Variants in CR1 observed in about 807,000 individuals in gnomAD.
CR1 encodes the protein complement receptor type 1.
A neutral mutation model predicts 187.3 loss-of-function variants in CR1; 116 were observed. The observed-to-expected ratio is 0.62, with a 90% CI of 0.53 to 0.72. The LOEUF (loss-of-function observed/expected upper bound fraction) is 0.72, where lower values mean the gene tolerates loss of function less well. Among genes scored for constraint, CR1 ranks in the 30% least tolerant of loss-of-function variants. The pLI is 0.00. For synonymous variants in CR1, 576 were observed against 747.1 expected, an observed-to-expected ratio of 0.77 and a Z score of 3.73; for missense variants, 1,731 against 2,110.7, an observed-to-expected ratio of 0.82 and a Z score of 3.52.
At chr1:207,524,082 G>C in intron 5 of CR1, 73 bp downstream of exon 5, 2 of 1,611,472 alleles carry the variant, frequency 1.2e-6, no homozygotes, top group Middle Eastern at 2.3e-4. Flanking sequence ...ATTAGTATTT[G>C]TTCAGGGGGA....
At chr1:207,595,701 CAA>C (rs1342269182) in intron 35 of CR1, among the ~76,000 whole-genome samples, 4 of 150,942 alleles carry the variant, frequency 2.7e-5, no homozygotes, top group African/African-American at 9.7e-5. Flanking sequence ...AAAACTCCCA[CAA>C]AGCTGTGGGA....
At chr1:207,517,470 A>C (rs1274114312) in intron 4 of CR1, among the ~76,000 whole-genome samples, 2 of 152,054 alleles carry the variant, frequency 1.3e-5, no homozygotes, top group Admixed American at 6.5e-5. Flanking sequence ...TTGGGTTATA[A>C]TTTGCTTTTA....
In CR1 at chr1:207,588,720, A is replaced by G. The variant is rs1661184158; in HGVS notation, c.5756A>G (p.His1919Arg). ...CCAGAACCCTTCAATGGAATGGTGC[A>G]TATAAACACAGATACACAGTTTGGA... Reference protein sequence around the residue: ...PPPEPFNGMVHINTDTQFGST... With the variant: ...PPPEPFNGMVRINTDTQFGST... The change falls in exon 35 of 47, where the codon CAT becomes CGT. Residue 1919 changes from histidine (H) to arginine (R), a missense_variant. This residue lies in a region of CR1 where 1,312 missense variants were observed against 1,379.6 expected (regional missense o/e 0.95). Transcript: ENST00000367049. 4 of 1,613,188 alleles carry G rather than the reference A, an allele frequency of 2.5e-6. No homozygotes were observed. Among genetic ancestry groups the G allele is most frequent in the Middle Eastern group, 1.7e-4 (1 of 6,060 alleles).
At chr1:207,604,567 G>A (rs375149628) in intron 35 of CR1, among the ~76,000 whole-genome samples, 29 of 152,234 alleles carry the variant, frequency 1.9e-4, no homozygotes, top group Admixed American at 9.2e-4. Flanking sequence ...TCAGTTTTCC[G>A]TGTCTTGAAA....
chr1:207,497,833 A>C (rs778051227), intron 1 of CR1, among the ~76,000 whole-genome samples: 4 of 152,258 alleles, frequency 2.6e-5, no homozygotes, highest in South Asian at 2.1e-4. Flanking sequence ...AATAACTTCC[A>C]AATGTGAAAC....
intron 46 of CR1, among the ~76,000 whole-genome samples, chr1:207,634,782 A>G (rs1020069951): frequency 2.6e-5 from 4 of 152,148 alleles, no homozygotes; most frequent in African/African-American, 9.6e-5. Context: ...AGAGGAGGAC[A>G]TGCTTTCTGA....
At chr1:207,566,862 G>A (rs1429888645) in intron 24 of CR1, among the ~76,000 whole-genome samples, 2 of 150,162 alleles carry the variant, frequency 1.3e-5, no homozygotes. Context: ...TTACTAAAAT[G>A]TTTATGTTGT....
At chr1:207,505,537 G>A (rs1049031625) in intron 1 of CR1, among the ~76,000 whole-genome samples, 3 of 152,052 alleles carry the variant, frequency 2.0e-5, no homozygotes, top group African/African-American at 7.2e-5. Flanking sequence ...GAAAGAGAAG[G>A]TAGAATGGGA....
intron 35 of CR1, among the ~76,000 whole-genome samples, chr1:207,593,158 T>C (rs911853762): frequency 6.1e-5 from 9 of 148,516 alleles, no homozygotes; most frequent in Admixed American, 6.7e-5. Context: ...AAGACAATCC[T>C]AAGCAAAAAG....
intron 27 of CR1, among the ~76,000 whole-genome samples, chr1:207,572,989 C>T (rs1285792755): frequency 6.6e-6 from 1 of 152,186 alleles, no homozygotes; most frequent in East Asian, 1.9e-4. Context: ...GGCCTACTTT[C>T]ATGACCTCAC....
intron 44 of CR1, 137 bp downstream of exon 44, chr1:207,622,133 T>TA: frequency 1.8e-6 from 1 of 552,986 alleles, no homozygotes; most frequent in Non-Finnish European, 3.0e-6. Flanking sequence ...AGTTGTAAGT[T>TA]CAACTAGAAA....
Position 207,513,762 on chromosome 1 carries a change from CCCTT to C in CR1, c.487+2126_487+2129del, listed in dbSNP as rs1166231012. ...TCCCTCCCTCCCTCCCTCCCTCCCT[CCCTT>C]CCTTCCTTCCTTCCTTCTTTCCTTC... On this transcript the variant is annotated intron_variant, in intron 4 of 46. Coordinates refer to ENST00000367049, the MANE Select transcript of CR1 (RefSeq NM_000651.6). Among the ~76,000 whole-genome samples the C allele has an allele frequency of 1.2e-3, 120 of 99,216 alleles. 2 individuals are homozygous for C. Among genetic ancestry groups the C allele is most frequent in the African/African-American group, 4.0e-3 (101 of 25,248 alleles). 65.1% of individuals were successfully genotyped at this position (99,216 alleles called of 152,430 possible). A position where few individuals can be genotyped will look rare whatever the true frequency, so the allele number is the denominator to read the frequency against.
At chr1:207,566,794 G>C (rs1436887693) in intron 24 of CR1, among the ~76,000 whole-genome samples, 3 of 150,200 alleles carry the variant, frequency 2.0e-5, no homozygotes, top group African/African-American at 5.0e-5. Context: ...ATAGAACTTT[G>C]CTTCAATTCT....
At chr1:207,509,175 C>T (rs907000127) in intron 3 of CR1, among the ~76,000 whole-genome samples, 5 of 152,172 alleles carry the variant, frequency 3.3e-5, no homozygotes, top group Admixed American at 1.3e-4. Flanking sequence ...GGACTAATAT[C>T]CCAGGCTTCA....
chr1:207,604,109 G>A (rs571824385), intron 35 of CR1, among the ~76,000 whole-genome samples: 2 of 152,192 alleles, frequency 1.3e-5, no homozygotes, highest in South Asian at 2.1e-4. Flanking sequence ...GGGCAAAAAC[G>A]GCATTTTATT....
intron 27 of CR1, among the ~76,000 whole-genome samples, chr1:207,575,382 C>G (rs1212442235): frequency 6.6e-6 from 1 of 152,130 alleles, no homozygotes; most frequent in Non-Finnish European, 1.5e-5. Context: ...TATTAAGAAG[C>G]AATGTGGGCC....
At chr1:207,578,596 A>G (rs926807031) in intron 29 of CR1, among the ~76,000 whole-genome samples, 7 of 152,222 alleles carry the variant, frequency 4.6e-5, no homozygotes, top group Non-Finnish European at 1.0e-4. Flanking sequence ...CTATTGTATT[A>G]TCCATTTAAT....
Position 207,609,405 on chromosome 1 carries a change from A to C in CR1, c.6012A>C (p.Gly2004=), listed in dbSNP as rs962123496. The change falls in exon 37 of 47, where the codon GGA becomes GGC. Residue 2004 remains glycine, a synonymous_variant. Coordinates refer to ENST00000367049, the MANE Select transcript of CR1 (RefSeq NM_000651.6). ...VTYQCHTGPD[G]EQLFELVGER... ...ACCAGTGCCACACTGGACCAGATGG[A>C]GAACAGCTGTTTGAGCTTGTGGGAG... 6.2e-7 allele frequency: 1 copy of C among 1,614,030 alleles called. No individual in the cohort carries two copies. Among genetic ancestry groups the C allele is most frequent in the African/African-American group, 1.3e-5 (1 of 75,050 alleles).
At chr1:207,620,810 T>A (rs1454713724) in intron 43 of CR1, among the ~76,000 whole-genome samples, 1 of 152,250 alleles carries the variant, frequency 6.6e-6, no homozygotes, top group East Asian at 1.9e-4. Flanking sequence ...GATAACTTAC[T>A]AAATGCTTTT....
Sources: allele counts gnomAD v4.1 joint callset (sites outside exome capture counted in the v4.1 genomes callset), GRCh38; gene constraint gnomAD v4.1.1; regional missense constraint gnomAD v4.1.1; transcripts MANE v1.5; gene names NCBI Gene and HGNC (gene_info 2026-07-23, HGNC 2026-07-21).